Variants in MTUS2 observed in about 807,000 individuals in gnomAD.
MTUS2 encodes the protein microtubule-associated tumor suppressor candidate 2.
A neutral mutation model predicts 114.1 loss-of-function variants in MTUS2; 40 were observed. That is an observed-to-expected ratio of 0.35 (90% CI 0.27 to 0.46). MTUS2 has a LOEUF of 0.46. Ranked by LOEUF, MTUS2 falls within the 20% of genes least tolerant of loss-of-function variation. The probability of loss-of-function intolerance (pLI) is 1.00; values close to 1 mark genes in which losing one functional copy is unlikely to be tolerated. For synonymous variants in MTUS2, 688 were observed against 672.0 expected (o/e 1.02, Z -0.37); for missense variants, 1,679 against 1,705.4 (o/e 0.98, Z 0.27).
At chr13:28,993,228 T>G (rs1884940239) in intron 2 of MTUS2, among the ~76,000 whole-genome samples, 1 of 152,250 alleles carries the variant, frequency 6.6e-6, no homozygotes, top group Non-Finnish European at 1.5e-5. Context: ...GAAACTCTGA[T>G]TTCAATTCTT....
At chr13:28,977,565 C>G (rs1884171226) in intron 2 of MTUS2, among the ~76,000 whole-genome samples, 3 of 152,156 alleles carry the variant, frequency 2.0e-5, no homozygotes, top group Non-Finnish European at 4.4e-5. Context: ...AATTATCCGA[C>G]AAAATAGAGT....
chr13:29,314,477 T>C (rs1899904023), intron 6 of MTUS2, among the ~76,000 whole-genome samples: 1 of 152,230 alleles, frequency 6.6e-6, no homozygotes, highest in East Asian at 1.9e-4. Context: ...CCAAAAATGG[T>C]ACAACTGTAT....
chr13:29,468,330 G>A (rs1271369751), intron 9 of MTUS2, among the ~76,000 whole-genome samples: 1 of 151,938 alleles, frequency 6.6e-6, no homozygotes, highest in African/African-American at 2.4e-5. Flanking sequence ...TGTAATCCCA[G>A]CACTTTGGGA....
Position 29,505,685 on chromosome 13 carries a change from C to T in MTUS2, c.*2479C>T, listed in dbSNP as rs1265619082. 7 of 230,482 alleles carry T rather than the reference C, an allele frequency of 3.0e-5. No individual in the cohort carries two copies. The highest frequency in any genetic ancestry group is 1.3e-3 in the Middle Eastern group (1 of 800). The allele number at this position is 230,482 out of a possible 1,614,324, so 14.3% of individuals were successfully genotyped here. On this transcript the variant is annotated 3_prime_UTR_variant, in exon 16 of 16. Transcript: ENST00000612955. ...CGGATGCTGCAGCCTCTGCACCTGC[C>T]TCAGACAGACCCACCAGATACCACC...
intron 5 of MTUS2, among the ~76,000 whole-genome samples, chr13:29,135,830 C>T (rs1266017844): frequency 2.6e-5 from 4 of 152,126 alleles, no homozygotes; most frequent in Non-Finnish European, 5.9e-5. Context: ...TTTGTTTCTA[C>T]CACTTTCTGT....
chr13:28,941,069 C>CAAA (rs5802498), intron 2 of MTUS2, among the ~76,000 whole-genome samples: 146 of 149,060 alleles, frequency 9.8e-4, no homozygotes, highest in Middle Eastern at 3.4e-3. Context: ...TACTACAAAG[C>CAAA]AAAAAAAAAA....
chr13:29,155,459 A>G (rs1593536094), intron 5 of MTUS2, among the ~76,000 whole-genome samples: 1 of 152,220 alleles, frequency 6.6e-6, no homozygotes, highest in East Asian at 1.9e-4. Flanking sequence ...TCCTCATTCA[A>G]CAATGCATCA....
At chr13:29,067,263 A>G (rs1364569165) in intron 4 of MTUS2, among the ~76,000 whole-genome samples, 1 of 152,156 alleles carries the variant, frequency 6.6e-6, no homozygotes, top group Non-Finnish European at 1.5e-5. Context: ...GGATAGAGTA[A>G]GGAGATGATC....
chr13:28,897,080 C>T (rs1879319419), intron 2 of MTUS2, among the ~76,000 whole-genome samples: 1 of 152,178 alleles, frequency 6.6e-6, no homozygotes, highest in Admixed American at 6.5e-5. Context: ...AGAGCTTCTG[C>T]ACAGCAAAAG....
At chr13:29,381,087 A>T (rs1180198190) in intron 8 of MTUS2, among the ~76,000 whole-genome samples, 3 of 152,170 alleles carry the variant, frequency 2.0e-5, no homozygotes, top group African/African-American at 7.2e-5. Flanking sequence ...AACAACCCAA[A>T]TGAGACTTGA....
At chr13:29,168,285 C>A (rs1468187036) in intron 5 of MTUS2, among the ~76,000 whole-genome samples, 1 of 152,164 alleles carries the variant, frequency 6.6e-6, no homozygotes, top group Non-Finnish European at 1.5e-5. Context: ...TTTCAGATTT[C>A]CGCTGAGCTC....
intron 2 of MTUS2, among the ~76,000 whole-genome samples, chr13:29,022,807 A>T (rs1886349026): frequency 6.6e-6 from 1 of 152,232 alleles, no homozygotes; most frequent in Admixed American, 6.5e-5. Flanking sequence ...GTGATCTGTG[A>T]GTCTACTTTA....
chr13:28,825,557 C>A (rs1356525299), intron 1 of MTUS2, among the ~76,000 whole-genome samples: 1 of 152,126 alleles, frequency 6.6e-6, no homozygotes, highest in Admixed American at 6.5e-5. Flanking sequence ...GGCTGCTCAA[C>A]ATCTGCTAAC....
chr13:28,871,104 T>C (rs1172508057), intron 2 of MTUS2, among the ~76,000 whole-genome samples: 1 of 152,242 alleles, frequency 6.6e-6, no homozygotes, highest in Non-Finnish European at 1.5e-5. Flanking sequence ...ATGTGCTTTA[T>C]CTTGTGTAAT....
chr13:29,348,140 C>G (rs9508394), intron 7 of MTUS2, among the ~76,000 whole-genome samples: 122,818 of 152,088 alleles, frequency 0.81, 50,551 homozygotes, highest in East Asian at 0.9. Flanking sequence ...GGGAGAGAGG[C>G]AGCTGAAAGT....
At chr13:29,261,334 C>T (rs977344367) in intron 5 of MTUS2, among the ~76,000 whole-genome samples, 4 of 152,280 alleles carry the variant, frequency 2.6e-5, no homozygotes, top group East Asian at 3.9e-4. Flanking sequence ...GACTCCTTCT[C>T]GCAGTCCCTG....
intron 8 of MTUS2, among the ~76,000 whole-genome samples, chr13:29,420,579 C>T (rs1379776604): frequency 3.3e-5 from 5 of 152,154 alleles, no homozygotes; most frequent in Non-Finnish European, 4.4e-5. Flanking sequence ...ACCCAGCCTC[C>T]GTTCTTTCTT....
At chr13:29,105,976 T>C (rs1890649975) in intron 5 of MTUS2, among the ~76,000 whole-genome samples, 1 of 152,160 alleles carries the variant, frequency 6.6e-6, no homozygotes, top group African/African-American at 2.4e-5. Context: ...AGCCTGCCAC[T>C]TCATCGTGGC....
intron 2 of MTUS2, among the ~76,000 whole-genome samples, chr13:28,984,140 C>T (rs545979484): frequency 5.3e-4 from 81 of 152,228 alleles, no homozygotes; most frequent in Non-Finnish European, 1.0e-3. Flanking sequence ...GAGTTAAGGA[C>T]GATAGCTGAG....
Sources: gnomAD v4.1 joint callset for allele counts (sites outside exome capture counted in the v4.1 genomes callset) on GRCh38, gnomAD v4.1.1 for gene constraint, MANE v1.5 for transcripts, NCBI Gene and HGNC (gene_info 2026-07-23, HGNC 2026-07-21) for gene names.